Variants in SLC24A3 observed in about 807,000 individuals in gnomAD.
SLC24A3 encodes the protein solute carrier family 24 member 3, also known as sodium/potassium/calcium exchanger 3.
In SLC24A3, 28 loss-of-function variants were observed where a neutral mutation model predicts 75.8. The ratio of observed to expected loss-of-function variants is 0.37; its 90% CI spans 0.27 to 0.51. The LOEUF (loss-of-function observed/expected upper bound fraction) is 0.51, where lower values mean the gene tolerates loss of function less well. SLC24A3 is among the 20% of genes least tolerant of loss of function. SLC24A3 has a pLI of 0.94. For missense variants in SLC24A3, 663 were observed against 847.8 expected, an observed-to-expected ratio of 0.78 and a Z score of 2.71; for synonymous variants, 372 against 334.1, an observed-to-expected ratio of 1.11 and a Z score of -1.24.
At chr20:19,541,265 G>T (rs557257564) in intron 3 of SLC24A3, among the ~76,000 whole-genome samples, 1 of 152,358 alleles carries the variant, frequency 6.6e-6, no homozygotes, top group South Asian at 2.1e-4. Flanking sequence ...GGCAGCGGCT[G>T]CAGCGGGGAG....
intron 2 of SLC24A3, among the ~76,000 whole-genome samples, chr20:19,411,887 C>G (rs573767204): frequency 6.6e-6 from 1 of 152,114 alleles, no homozygotes; most frequent in South Asian, 2.1e-4. Context: ...GGTGAACTTC[C>G]TTTGTGTTCA....
intron 2 of SLC24A3, among the ~76,000 whole-genome samples, chr20:19,324,865 T>C (rs1417185374): frequency 6.6e-6 from 1 of 152,174 alleles, no homozygotes; most frequent in East Asian, 1.9e-4. Flanking sequence ...TTTCTTTTCT[T>C]TTTTTCTCTC....
intron 1 of SLC24A3, among the ~76,000 whole-genome samples, chr20:19,242,891 C>A (rs898115693): frequency 6.6e-6 from 1 of 152,132 alleles, no homozygotes; most frequent in Non-Finnish European, 1.5e-5. Flanking sequence ...AGCTCAAATG[C>A]AATGAAAAGT....
intron 3 of SLC24A3, among the ~76,000 whole-genome samples, chr20:19,523,878 C>A (rs2030148359): frequency 6.6e-6 from 1 of 152,140 alleles, no homozygotes; most frequent in African/African-American, 2.4e-5. Flanking sequence ...CATGCCCACC[C>A]AACTTTAAAG....
At chr20:19,623,310 C>A (rs1436405481) in intron 6 of SLC24A3, among the ~76,000 whole-genome samples, 3 of 152,156 alleles carry the variant, frequency 2.0e-5, no homozygotes, top group East Asian at 1.9e-4. Flanking sequence ...TAAATGCTTT[C>A]TCAAAATGAA....
chr20:19,273,942 C>T (rs1983404981), intron 1 of SLC24A3, among the ~76,000 whole-genome samples: 1 of 151,224 alleles, frequency 6.6e-6, no homozygotes, highest in Admixed American at 6.6e-5. Flanking sequence ...TTTTCAGTCC[C>T]TCCAATAGGA....
intron 2 of SLC24A3, among the ~76,000 whole-genome samples, chr20:19,426,171 C>T (rs1987002837): frequency 6.6e-6 from 1 of 152,166 alleles, no homozygotes; most frequent in African/African-American, 2.4e-5. Flanking sequence ...TCCTCACTTC[C>T]TCCCATTCCA....
At chr20:19,476,747 T>C (rs771758581) in intron 2 of SLC24A3, among the ~76,000 whole-genome samples, 41 of 152,260 alleles carry the variant, frequency 2.7e-4, no homozygotes, top group Middle Eastern at 6.8e-3. Flanking sequence ...GTAGCAAGGA[T>C]GTCAGTGTCC....
chr20:19,580,078 C>A lies in SLC24A3; in HGVS notation c.423+4C>A. The A allele has an allele frequency of 6.2e-7, 1 of 1,612,628 alleles. No individual in the cohort carries two copies. Among genetic ancestry groups the A allele is most frequent in the South Asian group, 1.1e-5 (1 of 91,036 alleles). ...TTCCTTGGAAAAGATCTGTGAGGTA[C>A]GTGCCTCACATTCTTGGTATGTGTG... On this transcript the variant is annotated splice_donor_region_variant and intron_variant, in intron 4 of 16. Transcript: ENST00000328041.
Position 19,588,900 on chromosome 20 carries a change from C to T in SLC24A3, c.612+3356C>T, listed in dbSNP as rs6112478. On this transcript the variant is annotated intron_variant, in intron 6 of 16. Transcript: ENST00000328041. ...CTTTCATATTCAGGTTATTACAGGC[C>T]GGCAGATGGCTCTAGTTTATAATAA... 6.2e-3 allele frequency among the ~76,000 whole-genome samples: 947 copies of T among 152,280 alleles called. 8 individuals carry two copies. Among genetic ancestry groups the T allele is most frequent in the Middle Eastern group, 0.031 (9 of 294 alleles).
intron 7 of SLC24A3, among the ~76,000 whole-genome samples, chr20:19,661,479 G>A (rs1461931982): frequency 6.6e-6 from 1 of 152,154 alleles, no homozygotes; most frequent in East Asian, 1.9e-4. Flanking sequence ...GAAGAAGTGA[G>A]AACTACACCC....
chr20:19,235,295 C>CAGA (rs1213480435), intron 1 of SLC24A3, among the ~76,000 whole-genome samples: 3 of 152,190 alleles, frequency 2.0e-5, no homozygotes, highest in Non-Finnish European at 4.4e-5. Flanking sequence ...CTACCTAGTG[C>CAGA]AGAAGTAAGG....
At chr20:19,268,198 T>C (rs1182498062) in intron 1 of SLC24A3, among the ~76,000 whole-genome samples, 1 of 152,212 alleles carries the variant, frequency 6.6e-6, no homozygotes, top group Non-Finnish European at 1.5e-5. Flanking sequence ...GTCCCTCACC[T>C]GCTGTGGGCA....
At chr20:19,558,153 A>G (rs527612104) in intron 3 of SLC24A3, among the ~76,000 whole-genome samples, 50 of 152,176 alleles carry the variant, frequency 3.3e-4, no homozygotes, top group Non-Finnish European at 6.5e-4. Context: ...GTCACAGTGT[A>G]AGAAACATGG....
chr20:19,261,397 T>A (rs1024570092), intron 1 of SLC24A3, among the ~76,000 whole-genome samples: 1 of 152,162 alleles, frequency 6.6e-6, no homozygotes, highest in Admixed American at 6.5e-5. Flanking sequence ...AGTGCAGTGG[T>A]GTGGCATGAT....
chr20:19,559,291 T>A (rs2030836242), intron 3 of SLC24A3, among the ~76,000 whole-genome samples: 1 of 152,238 alleles, frequency 6.6e-6, no homozygotes, highest in African/African-American at 2.4e-5. Context: ...AATTTTTTGT[T>A]CATTTTTAAT....
At chr20:19,337,298 G>T (rs1005643870) in intron 2 of SLC24A3, among the ~76,000 whole-genome samples, 2 of 152,040 alleles carry the variant, frequency 1.3e-5, no homozygotes, top group Non-Finnish European at 2.9e-5. Context: ...TACAAAATTA[G>T]CCAGGTGTGG....
intron 6 of SLC24A3, among the ~76,000 whole-genome samples, chr20:19,606,755 A>G (rs2031602793): frequency 6.6e-6 from 1 of 152,204 alleles, no homozygotes; most frequent in South Asian, 2.1e-4. Flanking sequence ...AGGATGTCAG[A>G]AAGCAGGAGG....
chr20:19,433,947 T>C (rs987810301), intron 2 of SLC24A3, among the ~76,000 whole-genome samples: 1 of 152,170 alleles, frequency 6.6e-6, no homozygotes, highest in African/African-American at 2.4e-5. Flanking sequence ...AAGGAGATGG[T>C]TGGGTGTGAG....
Sources: gnomAD v4.1 joint callset for allele counts (sites outside exome capture counted in the v4.1 genomes callset) on GRCh38, gnomAD v4.1.1 for gene constraint, MANE v1.5 for transcripts, NCBI Gene and HGNC (gene_info 2026-07-23, HGNC 2026-07-21) for gene names.